The following PCCB variants were observed in gnomAD, a reference collection of about 807,000 sequenced individuals.
PCCB encodes the protein propionyl-CoA carboxylase beta chain, mitochondrial.
A neutral mutation model predicts 60.7 loss-of-function variants in PCCB; 43 were observed. The observed-to-expected ratio is 0.71, with a 90% CI of 0.55 to 0.91. The LOEUF (loss-of-function observed/expected upper bound fraction) is 0.91. Among genes scored for constraint, PCCB ranks in the 40% least tolerant of loss-of-function variants. The pLI, the probability that PCCB is intolerant of heterozygous loss-of-function variation, is 0.00. For missense variants in PCCB, 766 were observed against 702.8 expected, an observed-to-expected ratio of 1.09 and a Z score of -1.02; for synonymous variants, 276 against 255.9, an observed-to-expected ratio of 1.08 and a Z score of -0.75.
intron 5 of PCCB, among the ~76,000 whole-genome samples, chr3:136,271,812 C>T (rs1942210556): frequency 6.6e-6 from 1 of 152,024 alleles, no homozygotes; most frequent in Non-Finnish European, 1.5e-5. Flanking sequence ...ATAAACAGTA[C>T]TTGTTTGACT....
At chr3:136,300,232 C>T (rs536501204) in intron 8 of PCCB, among the ~76,000 whole-genome samples, 1 of 152,098 alleles carries the variant, frequency 6.6e-6, no homozygotes, top group African/African-American at 2.4e-5. Context: ...TGGGGCTACC[C>T]TTAGTTTTCT....
At chr3:136,329,795 C>A in intron 14 of PCCB, 110 bp from the exon 15 acceptor site, 1 of 1,168,458 alleles carries the variant, frequency 8.6e-7, no homozygotes, top group Non-Finnish European at 1.3e-6. Context: ...TCAGGTTGGG[C>A]ACTGCTTATA....
intron 5 of PCCB, among the ~76,000 whole-genome samples, chr3:136,277,645 G>C (rs1050484467): frequency 6.6e-6 from 1 of 152,134 alleles, no homozygotes; most frequent in African/African-American, 2.4e-5. Context: ...TAATGTTCCA[G>C]AGAGGAATAT....
At chr3:136,264,247 A>G (rs9826146) in intron 5 of PCCB, among the ~76,000 whole-genome samples, 55,760 of 150,786 alleles carry the variant, frequency 0.37, 11,441 homozygotes, top group African/African-American at 0.55. Flanking sequence ...TAAAGAATAA[A>G]GATATTCTCT....
chr3:136,322,618 G>A (rs1935147575), intron 10 of PCCB, among the ~76,000 whole-genome samples: 1 of 152,180 alleles, frequency 6.6e-6, no homozygotes, highest in Admixed American at 6.5e-5. Context: ...GAAATAAAAA[G>A]TGAAGTTAGA....
chr3:136,275,201 G>T (rs650505), intron 5 of PCCB, among the ~76,000 whole-genome samples: 1 of 151,976 alleles, frequency 6.6e-6, no homozygotes, highest in Non-Finnish European at 1.5e-5. Context: ...TTCATTCTTT[G>T]ACTTGTTCTG....
chr3:136,254,800 G>A (rs1240034896), intron 1 of PCCB, among the ~76,000 whole-genome samples: 9 of 151,902 alleles, frequency 5.9e-5, no homozygotes, highest in Admixed American at 1.3e-4. Flanking sequence ...CAAAGTGCTG[G>A]GATTACAGGT....
At chr3:136,298,159 T>C (rs1934022405) in intron 8 of PCCB, 87 bp downstream of exon 8, 5 of 1,557,246 alleles carry the variant, frequency 3.2e-6, no homozygotes, top group Non-Finnish European at 3.5e-6. Context: ...GTCTGCCTTG[T>C]TGGGCAAGTT....
At chr3:136,257,252 A>G (rs1559996082) in intron 3 of PCCB, among the ~76,000 whole-genome samples, 1 of 152,158 alleles carries the variant, frequency 6.6e-6, no homozygotes, top group African/African-American at 2.4e-5. Context: ...AGAGGAGCTT[A>G]TAAGGATGTG....
chr3:136,304,150 C>CTT (rs757141619), intron 9 of PCCB, among the ~76,000 whole-genome samples: 3 of 98,850 alleles, frequency 3.0e-5, no homozygotes, highest in Non-Finnish European at 4.5e-5. Context: ...ATCTCTTCGT[C>CTT]TTTTTTTTTT....
At chr3:136,251,903 G>C (rs908550040) in intron 1 of PCCB, among the ~76,000 whole-genome samples, 3 of 152,096 alleles carry the variant, frequency 2.0e-5, no homozygotes, top group African/African-American at 7.2e-5. Context: ...TTGATACGGA[G>C]TTTTGCTCTT....
chr3:136,308,420 A>G (rs1241892609), intron 9 of PCCB, among the ~76,000 whole-genome samples: 1 of 152,194 alleles, frequency 6.6e-6, no homozygotes, highest in Admixed American at 6.5e-5. Flanking sequence ...AGCATATCGA[A>G]TATCTGTGCC....
intron 3 of PCCB, 163 bp from the exon 4 acceptor site, chr3:136,260,316 C>T: frequency 1.4e-6 from 1 of 693,838 alleles, no homozygotes; most frequent in Non-Finnish European, 2.6e-6. Flanking sequence ...GGACTCAAGC[C>T]ATCCACCTGC....
intron 3 of PCCB, 62 bp from the exon 4 acceptor site, chr3:136,260,417 A>C: frequency 1.5e-6 from 2 of 1,361,702 alleles, no homozygotes; most frequent in Non-Finnish European, 2.1e-6. Flanking sequence ...TCTTCCTCCC[A>C]CTGGGTTTTC....
intron 9 of PCCB, among the ~76,000 whole-genome samples, chr3:136,307,578 T>C (rs1934488575): frequency 6.6e-6 from 1 of 151,836 alleles, no homozygotes; most frequent in African/African-American, 2.4e-5. Flanking sequence ...CATTCTTTAA[T>C]ACTACTCACA....
At chr3:136,282,629 A>G (rs576015517) in intron 5 of PCCB, among the ~76,000 whole-genome samples, 1 of 152,322 alleles carries the variant, frequency 6.6e-6, no homozygotes, top group Middle Eastern at 3.4e-3. Flanking sequence ...GTAATACTCA[A>G]AACAGTGTTA....
At chr3:136,264,765 C>T (rs1258351836) in intron 5 of PCCB, among the ~76,000 whole-genome samples, 1 of 147,574 alleles carries the variant, frequency 6.8e-6, no homozygotes, top group Admixed American at 7.0e-5. Context: ...GTCCCAGCTA[C>T]TTGGGAGGCT....
chr3:136,279,887 C>T lies in PCCB; in HGVS notation c.544-3950C>T, dbSNP rs568112417. ...TTCACCGTGTTAGCCAGGATGGTCTCGATCTCCTGACCTCGTGATCTGCCC... is the reference window on the plus strand; with the variant it reads ...TTCACCGTGTTAGCCAGGATGGTCTTGATCTCCTGACCTCGTGATCTGCCC... On this transcript the variant is annotated intron_variant, in intron 5 of 14. Coordinates refer to ENST00000251654, the MANE Select transcript of PCCB (RefSeq NM_000532.5). Among the ~76,000 whole-genome samples the T allele has an allele frequency of 2.0e-4, 31 of 152,154 alleles. 1 individual carries two copies. The highest frequency in any genetic ancestry group is 6.2e-4 in the South Asian group (3 of 4,826).
chr3:136,309,417 G>C (rs1181565578), intron 9 of PCCB, among the ~76,000 whole-genome samples: 1 of 152,188 alleles, frequency 6.6e-6, no homozygotes, highest in Non-Finnish European at 1.5e-5. Context: ...GCTGCAATTA[G>C]TAAACACTGG....
Sources: gnomAD v4.1 joint callset for allele counts (sites outside exome capture counted in the v4.1 genomes callset) on GRCh38, gnomAD v4.1.1 for gene constraint, MANE v1.5 for transcripts, NCBI Gene and HGNC (gene_info 2026-07-23, HGNC 2026-07-21) for gene names.